The following ANTXR1 variants were observed in gnomAD, a reference collection of about 807,000 sequenced individuals.
ANTXR1 encodes the protein ANTXR cell adhesion molecule 1.
Under a neutral mutation model 78.1 loss-of-function variants are expected in ANTXR1, and 19 were observed. The ratio of observed to expected loss-of-function variants is 0.24; its 90% CI spans 0.17 to 0.36. The LOEUF (loss-of-function observed/expected upper bound fraction) is 0.36. Among genes scored for constraint, ANTXR1 ranks in the 10% least tolerant of loss-of-function variants. ANTXR1 has a pLI of 1.00. For missense variants in ANTXR1, 518 were observed against 718.6 expected (o/e 0.72, Z 3.19); for synonymous variants, 273 against 260.5 (o/e 1.05, Z -0.46).
intron 3 of ANTXR1, among the ~76,000 whole-genome samples, chr2:69,070,110 G>A (rs1168035657): frequency 6.6e-6 from 1 of 152,194 alleles, no homozygotes; most frequent in Non-Finnish European, 1.5e-5. Flanking sequence ...AGAAAACACA[G>A]GCACCGGCCC....
At chr2:69,214,230 C>T (rs564524367) in intron 17 of ANTXR1, among the ~76,000 whole-genome samples, 2 of 152,376 alleles carry the variant, frequency 1.3e-5, no homozygotes, top group African/African-American at 4.8e-5. Context: ...CATTCCCTGG[C>T]CTGCAAGCTG....
chr2:69,154,575 C>A (rs1221235228), intron 13 of ANTXR1, among the ~76,000 whole-genome samples: 1 of 152,172 alleles, frequency 6.6e-6, no homozygotes, highest in Non-Finnish European at 1.5e-5. Context: ...TCACCACAGT[C>A]CCCAGATTAA....
chr2:69,104,873 C>T (rs1671753526), intron 10 of ANTXR1, among the ~76,000 whole-genome samples: 1 of 152,212 alleles, frequency 6.6e-6, no homozygotes, highest in African/African-American at 2.4e-5. Context: ...GGCCTGAGCT[C>T]AGGAGTTCGA....
chr2:69,065,092 G>C (rs12473368), intron 3 of ANTXR1, among the ~76,000 whole-genome samples: 8,452 of 152,212 alleles, frequency 0.056, 272 homozygotes, highest in Admixed American at 0.11. Flanking sequence ...GCTCAAAGTT[G>C]AGTATTTTAA....
intron 17 of ANTXR1, among the ~76,000 whole-genome samples, chr2:69,236,355 CACAT>C (rs1162200161): frequency 6.6e-6 from 1 of 152,050 alleles, no homozygotes; most frequent in Non-Finnish European, 1.5e-5. Flanking sequence ...TATGTATACA[CACAT>C]ATATCTTTAC....
At chr2:69,062,348 T>G (rs1191329135) in intron 3 of ANTXR1, among the ~76,000 whole-genome samples, 1 of 152,198 alleles carries the variant, frequency 6.6e-6, no homozygotes, top group Non-Finnish European at 1.5e-5. Context: ...TCATTGTGCT[T>G]GGATTCTGGA....
intron 1 of ANTXR1, among the ~76,000 whole-genome samples, chr2:69,014,915 A>G (rs1670976030): frequency 6.6e-6 from 1 of 152,194 alleles, no homozygotes; most frequent in Admixed American, 6.5e-5. Context: ...GATACTGAAA[A>G]TATGCTCCAG....
rs191868754 is a variant in ANTXR1, at chr2:69,249,056, T to C, written c.*3571T>C. On this transcript the variant is annotated 3_prime_UTR_variant, in exon 18 of 18. Coordinates refer to ENST00000303714, the MANE Select transcript of ANTXR1 (RefSeq NM_032208.3). ...ATGGATCTTCAATGCCTCTGAGTCATTGTTATAAAAAATCAGTTATCACTA... is the reference window on the plus strand; with the variant it reads ...ATGGATCTTCAATGCCTCTGAGTCACTGTTATAAAAAATCAGTTATCACTA... 2.5e-4 allele frequency: 38 copies of C among 152,364 alleles called. No individual in the cohort carries two copies. The highest frequency in any genetic ancestry group is 8.4e-4 in the African/African-American group (35 of 41,590). The allele number at this position is 152,364 out of a possible 1,614,324, so 9.4% of individuals were successfully genotyped here. A position where few individuals can be genotyped will look rare whatever the true frequency, so the allele number is the denominator to read the frequency against.
intron 17 of ANTXR1, among the ~76,000 whole-genome samples, chr2:69,218,131 A>G (rs1675224736): frequency 6.6e-6 from 1 of 152,210 alleles, no homozygotes; most frequent in Non-Finnish European, 1.5e-5. Context: ...AAGGTCAACC[A>G]AGCGGCAAAG....
intron 9 of ANTXR1, among the ~76,000 whole-genome samples, chr2:69,099,077 A>T (rs1472086807): frequency 6.6e-6 from 1 of 152,178 alleles, no homozygotes; most frequent in Admixed American, 6.5e-5. Flanking sequence ...TCATCACTCC[A>T]AGAAGAAACC....
chr2:69,056,518 A>G (rs10174608), intron 3 of ANTXR1, among the ~76,000 whole-genome samples: 4,855 of 152,276 alleles, frequency 0.032, 285 homozygotes, highest in African/African-American at 0.11. Flanking sequence ...CGCTTGTGGA[A>G]TAAGAGGTTA....
At chr2:69,229,851 C>A (rs1675546188) in intron 17 of ANTXR1, among the ~76,000 whole-genome samples, 1 of 151,916 alleles carries the variant, frequency 6.6e-6, no homozygotes, top group South Asian at 2.1e-4. Context: ...CACTGCTTGG[C>A]AGGACCCAGG....
intron 1 of ANTXR1, among the ~76,000 whole-genome samples, chr2:69,019,504 CCTCTT>C (rs1437114316): frequency 1.3e-5 from 2 of 151,990 alleles, no homozygotes; most frequent in African/African-American, 4.8e-5. Flanking sequence ...AATTTTATCT[CCTCTT>C]TTCTCATTTC....
intron 17 of ANTXR1, among the ~76,000 whole-genome samples, chr2:69,218,432 T>G (rs560885757): frequency 7.9e-5 from 12 of 152,328 alleles, no homozygotes; most frequent in African/African-American, 2.9e-4. Context: ...CATTGTGTTG[T>G]CGGTGTAAAA....
At chr2:69,206,480 A>G (rs1674906900) in intron 17 of ANTXR1, among the ~76,000 whole-genome samples, 1 of 152,196 alleles carries the variant, frequency 6.6e-6, no homozygotes, top group African/African-American at 2.4e-5. Flanking sequence ...CTATGCAACA[A>G]AATTATTTTC....
At position 69,171,386 on chromosome 2, in the gene ANTXR1, C is replaced by A. The variant is rs532555926; in HGVS notation, c.1089+1097C>A. On this transcript the variant is annotated intron_variant, in intron 14 of 17. Transcript: ENST00000303714. ...AAGAAGAAAAAACCTTCTTTACATA[C>A]ATTAAAACCTTTCCTTAATCCTTCA... Among the ~76,000 whole-genome samples the A allele has an allele frequency of 2.0e-5, 3 of 152,370 alleles. No individual in the cohort carries two copies. In the East Asian group the frequency reaches 5.8e-4, roughly 29 times the overall value.
At chr2:69,181,321 G>C (rs1056110937) in intron 14 of ANTXR1, among the ~76,000 whole-genome samples, 4 of 152,186 alleles carry the variant, frequency 2.6e-5, no homozygotes, top group Non-Finnish European at 5.9e-5. Context: ...AGAAGAGAGA[G>C]GCAGTGGGGA....
chr2:69,230,436 G>C (rs1426988219), intron 17 of ANTXR1, among the ~76,000 whole-genome samples: 1 of 151,932 alleles, frequency 6.6e-6, no homozygotes. Flanking sequence ...TTACGCGTAG[G>C]GTAGACATGG....
At chr2:69,212,146 C>A (rs1675056946) in intron 17 of ANTXR1, among the ~76,000 whole-genome samples, 2 of 151,696 alleles carry the variant, frequency 1.3e-5, no homozygotes. Context: ...TTAGTAAATT[C>A]TTTATTAAAG....
Sources: allele counts gnomAD v4.1 joint callset (sites outside exome capture counted in the v4.1 genomes callset), GRCh38; gene constraint gnomAD v4.1.1; transcripts MANE v1.5; gene names NCBI Gene and HGNC (gene_info 2026-07-23, HGNC 2026-07-21).